Variants in ARFGEF1 observed in about 807,000 individuals in gnomAD.
ARFGEF1 encodes the protein ARF guanine nucleotide exchange factor 1.
ARFGEF1 carries 42 observed loss-of-function variants against 231.0 expected under a neutral mutation model. That is an observed-to-expected ratio of 0.18 (90% CI 0.14 to 0.24). The LOEUF (loss-of-function observed/expected upper bound fraction) is 0.24, where lower values mean the gene tolerates loss of function less well. Among genes scored for constraint, ARFGEF1 ranks in the 10% least tolerant of loss-of-function variants. The pLI is 1.00. For missense variants in ARFGEF1, 1,345 were observed against 2,192.0 expected (o/e 0.61, Z 7.72); for synonymous variants, 710 against 732.3 (o/e 0.97, Z 0.49).
intron 1 of ARFGEF1, among the ~76,000 whole-genome samples, chr8:67,311,734 G>A (rs1234517901): frequency 4.6e-5 from 7 of 152,256 alleles, no homozygotes; most frequent in Non-Finnish European, 8.8e-5. Flanking sequence ...TGTCTGGGAG[G>A]TGTGCCCAAC....
intron 19 of ARFGEF1, among the ~76,000 whole-genome samples, chr8:67,242,150 C>T (rs2128879846): frequency 6.6e-6 from 1 of 152,308 alleles, no homozygotes; most frequent in South Asian, 2.1e-4. Context: ...GCCACAAGGA[C>T]TGCAACTCCT....
intron 1 of ARFGEF1, among the ~76,000 whole-genome samples, chr8:67,322,276 A>T (rs1246630307): frequency 3.9e-5 from 6 of 152,220 alleles, no homozygotes; most frequent in African/African-American, 1.4e-4. Context: ...CCAACCTTCT[A>T]GGTAACTCTC....
chr8:67,274,281 A>G (rs1176712181), intron 9 of ARFGEF1, among the ~76,000 whole-genome samples: 2 of 151,698 alleles, frequency 1.3e-5, no homozygotes, highest in South Asian at 2.1e-4. Flanking sequence ...AAGCAAAGAC[A>G]AAAAAAAGAA....
intron 5 of ARFGEF1, among the ~76,000 whole-genome samples, chr8:67,190,429 C>T (rs1318954119): frequency 6.6e-6 from 1 of 152,058 alleles, no homozygotes; most frequent in Non-Finnish European, 1.5e-5. Context: ...CCAGTGTGCA[C>T]AAAGGAGCTG....
At chr8:67,280,084 T>C (rs1805473650) in intron 7 of ARFGEF1, among the ~76,000 whole-genome samples, 2 of 152,230 alleles carry the variant, frequency 1.3e-5, no homozygotes, top group South Asian at 2.1e-4. Context: ...TCCTAGAAAG[T>C]AGGTTGAAAT....
chr8:67,271,045 G>GAAAAAAAAAAAAAAAAAA (rs1563878469), intron 10 of ARFGEF1, among the ~76,000 whole-genome samples: 21 of 69,614 alleles, frequency 3.0e-4, no homozygotes, highest in South Asian at 9.8e-4. Context: ...AAAAAAAAAG[G>GAAAAAAAAAAAAAAAAAA]AAAAAGAAAA....
rs779735362 is a variant in ARFGEF1 at position 67,204,665 on chromosome 8, C to T, written c.4959+15G>A. The T allele has an allele frequency of 6.2e-7, 1 of 1,601,502 alleles. No individual in the cohort carries two copies. Among genetic ancestry groups the T allele is most frequent in the Non-Finnish European group, 8.5e-7 (1 of 1,172,818 alleles). The stretch of plus-strand genomic sequence containing the variant: ...TACTTACACAAAAAAAGCAGCTGTC[C>T]TCCTATCTCCTTACCTGTGCTGCAG... On this transcript the variant is annotated intron_variant, in intron 35 of 38. Transcript: ENST00000262215.
chr8:67,195,780 T>C (rs1837823411), downstream of ARFGEF1: 1 of 579,670 alleles, frequency 1.7e-6, no homozygotes, highest in South Asian at 2.2e-5. Flanking sequence ...TTGATTTATA[T>C]AATAGAATTG....
chr8:67,221,769 A>G (rs886101546), intron 29 of ARFGEF1, among the ~76,000 whole-genome samples: 1 of 151,592 alleles, frequency 6.6e-6, no homozygotes, highest in African/African-American at 2.4e-5. Flanking sequence ...GGCGAGTTCC[A>G]GTCATGGTAA....
intron 1 of ARFGEF1, among the ~76,000 whole-genome samples, chr8:67,338,984 T>A (rs1587353331): frequency 6.6e-6 from 1 of 152,112 alleles, no homozygotes; most frequent in African/African-American, 2.4e-5. Context: ...TAATTTCCCC[T>A]CCACTGACGT....
In ARFGEF1 at chr8:67,267,546, C is replaced by A; in HGVS notation, c.1573-104G>T. The A allele has an allele frequency of 1.5e-5, 10 of 688,428 alleles. No individual in the cohort carries two copies. In the South Asian group the frequency reaches 1.7e-4, roughly 12 times the overall value. 42.6% of individuals were successfully genotyped at this position (688,428 alleles called of 1,614,324 possible). The stretch of plus-strand genomic sequence containing the variant: ...TATAGAGCAGGTATTAGGACCCAGG[C>A]TCTTATGGAGTTCAACTCCTTTTGA... On this transcript the variant is annotated intron_variant, in intron 10 of 38. Transcript: ENST00000262215.
intron 23 of ARFGEF1, 38 bp downstream of exon 23, chr8:67,232,817 A>G: frequency 6.8e-7 from 1 of 1,466,880 alleles, no homozygotes; most frequent in Non-Finnish European, 9.3e-7. Context: ...GAACTGAAAT[A>G]GTAATCATCT....
At position 67,296,440 on chromosome 8, in the gene ARFGEF1, T is replaced by A; in HGVS notation, c.630A>T (p.Glu210Asp). The change falls in exon 5 of 39, where the codon GAA (glutamate) becomes GAT (aspartate). Residue 210 changes from glutamate (E) to aspartate (D), a missense_variant. By Grantham distance (45) the Glu-to-Asp change is conservative. Coordinates refer to ENST00000262215, the MANE Select transcript of ARFGEF1 (RefSeq NM_006421.5). ...TTCTTAAAATACTTACTGCTTGGTT[T>A]TCCATGCGTGCAAAGATAACATTTA... Reference protein sequence around the residue: ...QMLNVIFARMENQALQEAKQM... With the variant: ...QMLNVIFARMDNQALQEAKQM... The A allele has an allele frequency of 6.2e-7, 1 of 1,613,860 alleles. No homozygotes were observed.
In ARFGEF1 at chr8:67,217,844, T is replaced by G. The variant is rs145845893; in HGVS notation, c.4551A>C (p.Leu1517=). 6.2e-7 allele frequency: 1 copy of G among 1,614,080 alleles called. No individual in the cohort carries two copies. Among genetic ancestry groups the G allele is most frequent in the East Asian group, 2.2e-5 (1 of 44,858 alleles). ...VVILNGEKFT[L]EIWDKTCNCT... is the part of the protein sequence containing the mutation. Reference sequence around the variant, plus strand: ...AGTTGCAAGTTTTATCCCAGATTTCTAGGGTAAATTTTTCACCATTCAGAA... The same window carrying G: ...AGTTGCAAGTTTTATCCCAGATTTCGAGGGTAAATTTTTCACCATTCAGAA... Residue 1517 remains leucine (L), a synonymous_variant, in exon 32 of 39, where the codon CTA becomes CTC. Transcript: ENST00000262215.
At chr8:67,263,665 T>A (rs925259764) in intron 14 of ARFGEF1, among the ~76,000 whole-genome samples, 22 of 152,248 alleles carry the variant, frequency 1.4e-4, no homozygotes, top group African/African-American at 5.1e-4. Flanking sequence ...CAAGTTCTCA[T>A]CCAACCATAA....
intron 9 of ARFGEF1, among the ~76,000 whole-genome samples, chr8:67,272,733 A>C (rs368408278): frequency 7.2e-5 from 11 of 152,292 alleles, no homozygotes; most frequent in African/African-American, 2.2e-4. Flanking sequence ...AAGTGACAGC[A>C]CTAATTCAAG....
intron 6 of ARFGEF1, among the ~76,000 whole-genome samples, chr8:67,290,362 C>T (rs1422169545): frequency 2.0e-5 from 3 of 152,064 alleles, no homozygotes; most frequent in African/African-American, 4.8e-5. Context: ...GGTCTTAGTC[C>T]ATGTTGTTTC....
chr8:67,331,542 A>G (rs1269890686), intron 1 of ARFGEF1, among the ~76,000 whole-genome samples: 1 of 152,236 alleles, frequency 6.6e-6, no homozygotes, highest in East Asian at 1.9e-4. Context: ...GAACTGTGAG[A>G]AATAAATTTC....
chr8:67,330,119 T>C (rs1260061865), intron 1 of ARFGEF1, among the ~76,000 whole-genome samples: 3 of 152,238 alleles, frequency 2.0e-5, no homozygotes, highest in African/African-American at 7.2e-5. Context: ...AAAAGAACTA[T>C]AATAGTGACA....
Sources: gnomAD v4.1 joint callset for allele counts (sites outside exome capture counted in the v4.1 genomes callset) on GRCh38, gnomAD v4.1.1 for gene constraint, MANE v1.5 for transcripts, NCBI Gene and HGNC (gene_info 2026-07-23, HGNC 2026-07-21) for gene names.